SKA2: variants seen among roughly 807,000 people sequenced by gnomAD.
SKA2 encodes spindle and kinetochore associated complex subunit 2, also known as spindle and kinetochore-associated protein 2.
A neutral mutation model predicts 16.9 loss-of-function variants in SKA2; 13 were observed. That is an observed-to-expected ratio of 0.77 (90% CI 0.50 to 1.22). The LOEUF is 1.22. Ranked by LOEUF, SKA2 falls within the 50% of genes most tolerant of loss-of-function variation. SKA2 has a pLI of 0.00. For synonymous variants in SKA2, 47 were observed against 48.5 expected (o/e 0.97, Z 0.13); for missense variants, 107 against 139.7 (o/e 0.77, Z 1.18).
intron 1 of SKA2, among the ~76,000 whole-genome samples, chr17:59,141,885 C>T (rs1183983369): frequency 6.6e-6 from 1 of 152,118 alleles, no homozygotes; most frequent in African/African-American, 2.4e-5. Flanking sequence ...GGCTTTGCTT[C>T]ACACAGCAAT....
At chr17:59,113,606 C>G (rs1171877700) in intron 3 of SKA2, among the ~76,000 whole-genome samples, 1 of 148,366 alleles carries the variant, frequency 6.7e-6, no homozygotes, top group Non-Finnish European at 1.5e-5. Flanking sequence ...GGTGGATCAC[C>G]TGAGGTCAGG....
Position 59,110,969 on chromosome 17 carries a change from GAACT to G in SKA2, c.*1304_*1307del, listed in dbSNP as rs759127185. 11 of 152,048 alleles carry G rather than the reference GAACT, an allele frequency of 7.2e-5. No homozygotes were observed. The highest frequency in any genetic ancestry group is 1.2e-4 in the African/African-American group (5 of 41,408). 9.4% of individuals were successfully genotyped at this position (152,048 alleles called of 1,614,324 possible). On this transcript the variant is annotated 3_prime_UTR_variant, in exon 4 of 4. Transcript: ENST00000330137. Reference sequence around the variant, plus strand: ...TAAAAGTATAATTCTATAACCTGCAGAACTAACATTTGATGCATTTTTCCTAGTC... The same window carrying G: ...TAAAAGTATAATTCTATAACCTGCAGAACATTTGATGCATTTTTCCTAGTC...
chr17:59,137,806 A>G (rs772555392), intron 1 of SKA2: 2 of 531,618 alleles, frequency 3.8e-6, no homozygotes, highest in East Asian at 1.1e-4. Context: ...GCAATATTGC[A>G]CTACTCAGAA....
intron 1 of SKA2, among the ~76,000 whole-genome samples, chr17:59,150,646 G>A (rs2046570038): frequency 6.6e-6 from 1 of 152,172 alleles, no homozygotes; most frequent in African/African-American, 2.4e-5. Flanking sequence ...GGAGGCTGAG[G>A]AGGGAGGATT....
rs1375475716 is a variant in SKA2 at position 59,110,999 on chromosome 17, C to CT, written c.*1277dup. ...AACATTTGATGCATTTTTCCTAGTCCTTTCAATGCTTAGTTTTTATTACAT... is the reference window on the plus strand; with the variant it reads ...AACATTTGATGCATTTTTCCTAGTCCTTTTCAATGCTTAGTTTTTATTACAT... On this transcript the variant is annotated 3_prime_UTR_variant, in exon 4 of 4. Coordinates refer to ENST00000330137, the MANE Select transcript of SKA2 (RefSeq NM_182620.4). 4.6e-5 allele frequency: 7 copies of CT among 152,070 alleles called. No homozygotes were observed. Among genetic ancestry groups the CT allele is most frequent in the Non-Finnish European group, 4.4e-5 (3 of 68,012 alleles). The allele number at this position is 152,070 out of a possible 1,614,324, so 9.4% of individuals were successfully genotyped here.
chr17:59,145,292 A>G (rs114608993), intron 1 of SKA2, among the ~76,000 whole-genome samples: 2,429 of 152,336 alleles, frequency 0.016, 54 homozygotes, highest in African/African-American at 0.055. Flanking sequence ...AAAACTTAAT[A>G]GCTAGAATAT....
chr17:59,129,555 G>GAAAGGAAGA (rs1568305502), intron 2 of SKA2: 1 of 151,854 alleles, frequency 6.6e-6, no homozygotes, highest in Admixed American at 6.6e-5. Context: ...AGTGAGGAAA[G>GAAAGGAAGA]AAAGGAAGAA....
intron 1 of SKA2, 188 bp downstream of exon 1, chr17:59,154,943 T>G: frequency 6.2e-7 from 1 of 1,613,524 alleles, no homozygotes; most frequent in South Asian, 1.1e-5. Flanking sequence ...GTTTCCCGGA[T>G]GTAACCCCTT....
At chr17:59,116,872 C>T (rs1337362077) in intron 3 of SKA2, among the ~76,000 whole-genome samples, 1 of 124,260 alleles carries the variant, frequency 8.0e-6, no homozygotes, top group African/African-American at 3.2e-5. Context: ...GGCTGAAGTG[C>T]AGTGGCAAGA....
rs2046259356 is a variant in SKA2 at position 59,110,808 on chromosome 17, A to T, written c.*1469T>A. 1 of 152,338 alleles carries T rather than the reference A, an allele frequency of 6.6e-6. No individual in the cohort carries two copies. Among genetic ancestry groups the T allele is most frequent in the Non-Finnish European group, 1.5e-5 (1 of 68,440 alleles). The allele number at this position is 152,338 out of a possible 1,614,324, so 9.4% of individuals were successfully genotyped here. A position where few individuals can be genotyped will look rare whatever the true frequency, so the allele number is the denominator to read the frequency against. On this transcript the variant is annotated 3_prime_UTR_variant, in exon 4 of 4. Coordinates refer to ENST00000330137, the MANE Select transcript of SKA2 (RefSeq NM_182620.4). ...CGTCTCAAAAAAAAAAAAAAAAAAAAAAAGGCTTTCTGTTCTTGAAATATT... is the reference window on the plus strand; with the variant it reads ...CGTCTCAAAAAAAAAAAAAAAAAAATAAAGGCTTTCTGTTCTTGAAATATT...
chr17:59,122,546 G>A (rs944239442), intron 2 of SKA2, among the ~76,000 whole-genome samples: 1 of 151,872 alleles, frequency 6.6e-6, no homozygotes, highest in Non-Finnish European at 1.5e-5. Context: ...GGGAGGCAGA[G>A]GTTGCAGTGA....
At chr17:59,122,302 C>G (rs1240266699) in intron 2 of SKA2, among the ~76,000 whole-genome samples, 1 of 152,030 alleles carries the variant, frequency 6.6e-6, no homozygotes, top group Non-Finnish European at 1.5e-5. Context: ...AGCGTGAAAC[C>G]TCATCTCTAC....
chr17:59,151,280 G>A lies in SKA2; in HGVS notation c.33+3851C>T, dbSNP rs945151638. On this transcript the variant is annotated intron_variant, in intron 1 of 3. Coordinates refer to ENST00000330137, the MANE Select transcript of SKA2 (RefSeq NM_182620.4). ...ATCGGTTGAAGCTTCAGTGAGAAAC[G>A]AATTTAAAGTAGGGTTGCCATTTTG... 3.3e-5 allele frequency: 15 copies of A among 452,498 alleles called. No homozygotes were observed. The East Asian group carries it at 3.6e-4, about 11-fold the overall frequency. The allele number at this position is 452,498 out of a possible 1,614,324, so 28.0% of individuals were successfully genotyped here.
Position 59,122,619 on chromosome 17 carries a change from A to G in SKA2, c.121-3124T>C, listed in dbSNP as rs375675718. On this transcript the variant is annotated intron_variant, in intron 2 of 3. Transcript: ENST00000330137. ...GAGCAAGACTCCATCTCAAAAAATA[A>G]TAACTATTATTATTTTTTAAATTAG... 6.0e-4 allele frequency among the ~76,000 whole-genome samples: 91 copies of G among 151,970 alleles called. No individual in the cohort carries two copies. The South Asian group carries it at 0.018, about 29-fold the overall frequency.
intron 1 of SKA2, among the ~76,000 whole-genome samples, chr17:59,136,754 G>A (rs944463573): frequency 3.3e-5 from 5 of 151,934 alleles, no homozygotes; most frequent in Non-Finnish European, 5.9e-5. Context: ...TCACCATGTT[G>A]GCCAGGCTCG....
intron 2 of SKA2, among the ~76,000 whole-genome samples, chr17:59,121,142 A>C (rs1599660500): frequency 7.3e-6 from 1 of 137,534 alleles, no homozygotes. Flanking sequence ...ACTGAGGGAG[A>C]CTCCGTCTCA....
At chr17:59,149,600 A>G (rs1435374991) in intron 1 of SKA2, among the ~76,000 whole-genome samples, 4 of 152,182 alleles carry the variant, frequency 2.6e-5, no homozygotes, top group Non-Finnish European at 4.4e-5. Flanking sequence ...AGAATTCGAG[A>G]CCAACCACAG....
At chr17:59,122,420 G>T (rs1438354479) in intron 2 of SKA2, among the ~76,000 whole-genome samples, 1 of 152,048 alleles carries the variant, frequency 6.6e-6, no homozygotes, top group Non-Finnish European at 1.5e-5. Context: ...AGAACAGCAT[G>T]GCCAACATGG....
At chr17:59,143,580 G>A (rs1018560931) in intron 1 of SKA2, among the ~76,000 whole-genome samples, 3 of 151,858 alleles carry the variant, frequency 2.0e-5, no homozygotes, top group African/African-American at 7.3e-5. Context: ...CACCATGTTG[G>A]CCAGGCTGGT....
Sources: gnomAD v4.1 joint callset for allele counts (sites outside exome capture counted in the v4.1 genomes callset) on GRCh38, gnomAD v4.1.1 for gene constraint, MANE v1.5 for transcripts, NCBI Gene and HGNC (gene_info 2026-07-23, HGNC 2026-07-21) for gene names.